The following SLC12A1 variants were observed in gnomAD, a reference collection of about 807,000 sequenced individuals.
SLC12A1 encodes solute carrier family 12 member 1.
In SLC12A1, 89 loss-of-function variants were observed where a neutral mutation model predicts 130.4. The ratio of observed to expected loss-of-function variants is 0.68; its 90% CI spans 0.58 to 0.81. The LOEUF is 0.81. SLC12A1 is among the 40% of genes least tolerant of loss of function. The pLI is 0.00. For missense variants in SLC12A1, 1,310 were observed against 1,336.4 expected (o/e 0.98, Z 0.31); for synonymous variants, 499 against 460.0 (o/e 1.08, Z -1.09).
chr15:48,212,605 A>G (rs1234743988), intron 2 of SLC12A1, among the ~76,000 whole-genome samples: 3 of 152,200 alleles, frequency 2.0e-5, no homozygotes, highest in Non-Finnish European at 2.9e-5. Flanking sequence ...ATTCCTTACT[A>G]CAGGACTAAC....
intron 16 of SLC12A1, among the ~76,000 whole-genome samples, chr15:48,258,100 G>A (rs993174384): frequency 5.7e-5 from 4 of 70,594 alleles, no homozygotes; most frequent in African/African-American, 2.7e-4. Flanking sequence ...GGTGGCTCAC[G>A]CCTGTAATCC....
chr15:48,274,708 C>A (rs1466362108), intron 20 of SLC12A1, 55 bp downstream of exon 20: 12 of 1,250,100 alleles, frequency 9.6e-6, no homozygotes, highest in African/African-American at 1.5e-5. Context: ...TACTTTGTGC[C>A]TGACATTGTT....
intron 4 of SLC12A1, chr15:48,224,433 G>C (rs182873749): frequency 2.6e-5 from 4 of 152,246 alleles, no homozygotes; most frequent in Admixed American, 2.6e-4. Flanking sequence ...TGACTTAAAG[G>C]GTTGCTTAGA....
intron 2 of SLC12A1, among the ~76,000 whole-genome samples, chr15:48,211,745 A>G (rs1408502233): frequency 6.6e-6 from 1 of 152,222 alleles, no homozygotes; most frequent in African/African-American, 2.4e-5. Context: ...TTTCCAAGTG[A>G]GAAAAAAGTT....
At chr15:48,296,761 G>GA (rs907753926) in intron 24 of SLC12A1, among the ~76,000 whole-genome samples, 2 of 152,048 alleles carry the variant, frequency 1.3e-5, no homozygotes, top group African/African-American at 4.8e-5. Flanking sequence ...TACTTATAAA[G>GA]AAAAAAATCA....
chr15:48,254,154 T>G (rs1443171323), intron 15 of SLC12A1, among the ~76,000 whole-genome samples: 1 of 152,086 alleles, frequency 6.6e-6, no homozygotes, highest in East Asian at 1.9e-4. Flanking sequence ...GTCTAATTTA[T>G]CTTTTTTTTT....
intron 4 of SLC12A1, 88 bp downstream of exon 4, chr15:48,221,084 G>C (rs2041207913): frequency 8.5e-7 from 1 of 1,183,166 alleles, no homozygotes; most frequent in African/African-American, 1.5e-5. Context: ...CTGAATGTGA[G>C]ATGAAGGTCA....
At chr15:48,272,331 C>T (rs1196753080) in intron 19 of SLC12A1, among the ~76,000 whole-genome samples, 3 of 152,118 alleles carry the variant, frequency 2.0e-5, no homozygotes, top group Non-Finnish European at 4.4e-5. Flanking sequence ...TAACACAGGG[C>T]TATTATTATA....
chr15:48,244,360 C>T (rs1445131262), intron 10 of SLC12A1, among the ~76,000 whole-genome samples: 1 of 152,168 alleles, frequency 6.6e-6, no homozygotes, highest in African/African-American at 2.4e-5. Context: ...TAATGCCACC[C>T]CTTGGCTCTC....
chr15:48,251,228 AC>A (rs1417451680), intron 14 of SLC12A1, among the ~76,000 whole-genome samples: 1 of 151,874 alleles, frequency 6.6e-6, no homozygotes, highest in Non-Finnish European at 1.5e-5. Flanking sequence ...TTCTCTGACA[AC>A]CAAGAAGTTT....
At chr15:48,264,592 A>G (rs1239059905) in intron 17 of SLC12A1, among the ~76,000 whole-genome samples, 1 of 152,214 alleles carries the variant, frequency 6.6e-6, no homozygotes, top group East Asian at 1.9e-4. Context: ...AAATATTGAA[A>G]GAATGAAATG....
At chr15:48,287,191 C>G (rs1597455429) in intron 21 of SLC12A1, among the ~76,000 whole-genome samples, 1 of 152,090 alleles carries the variant, frequency 6.6e-6, no homozygotes, top group Non-Finnish European at 1.5e-5. Context: ...GCAAATAAAC[C>G]CCTCTTGGCA....
rs371055981 is a variant in SLC12A1, at chr15:48,249,627, T to C, written c.1737T>C (p.Tyr579=). The part of the protein sequence containing the change: ...PIISNFFLAS[Y]ALINFSCFHA... ...TCTCCAACTTTTTCCTGGCCTCATA[T>C]GCACTTATTAATTTCTCCTGCTTCC... is the stretch of plus-strand genomic sequence containing the variant. The change falls in exon 14 of 27, where the codon TAT becomes TAC. Residue 579 remains tyrosine, a synonymous_variant. Transcript: ENST00000380993. 15 of 1,613,890 alleles carry C rather than the reference T, an allele frequency of 9.3e-6. No individual in the cohort carries two copies. The East Asian group carries it at 2.7e-4, about 29-fold the overall frequency.
Position 48,288,138 on chromosome 15 carries a change from G to C in SLC12A1, c.2725G>C (p.Gly909Arg). The C allele has an allele frequency of 1.2e-6, 2 of 1,610,078 alleles. No individual in the cohort carries two copies. Among genetic ancestry groups the C allele is most frequent in the South Asian group, 2.2e-5 (2 of 90,054 alleles). ...TCAATTTAAAAAGAAACAAGAAAAA[G>C]GCACAATTGATGTTTGGTGGTTGTT... ...STQFKKKQEKGTIDVWWLFDD... is the reference protein window; with the variant it reads ...STQFKKKQEKRTIDVWWLFDD... The change falls in exon 22 of 27, where the codon GGC becomes CGC. Residue 909 changes from glycine (G) to arginine (R), a missense_variant. Transcript: ENST00000380993.
intron 2 of SLC12A1, among the ~76,000 whole-genome samples, chr15:48,211,560 T>G (rs1351898445): frequency 2.0e-5 from 3 of 152,226 alleles, no homozygotes; most frequent in African/African-American, 7.2e-5. Flanking sequence ...TAATAGTGTT[T>G]ACTTAAATCA....
At chr15:48,279,101 T>C (rs2041985000) in intron 20 of SLC12A1, among the ~76,000 whole-genome samples, 1 of 152,210 alleles carries the variant, frequency 6.6e-6, no homozygotes, top group African/African-American at 2.4e-5. Context: ...GTTACACAAA[T>C]ACATGAAGAA....
intron 2 of SLC12A1, among the ~76,000 whole-genome samples, chr15:48,214,535 G>C (rs1027693835): frequency 6.6e-5 from 10 of 152,084 alleles, no homozygotes; most frequent in Non-Finnish European, 1.5e-4. Flanking sequence ...GTGATTTATA[G>C]GCATAATGTG....
chr15:48,220,134 GATAGATA>G (rs1567305413), intron 2 of SLC12A1, among the ~76,000 whole-genome samples: 14 of 110,754 alleles, frequency 1.3e-4, no homozygotes, highest in African/African-American at 8.5e-4. Flanking sequence ...AAAAAAGGTA[GATAGATA>G]GATAGATAGA....
At chr15:48,236,223 C>T (rs983518017) in intron 9 of SLC12A1, among the ~76,000 whole-genome samples, 1 of 151,964 alleles carries the variant, frequency 6.6e-6, no homozygotes, top group South Asian at 2.1e-4. Flanking sequence ...AAGAAATATA[C>T]ATACATGAAA....
Sources: gnomAD v4.1 joint callset for allele counts (sites outside exome capture counted in the v4.1 genomes callset) on GRCh38, gnomAD v4.1.1 for gene constraint, MANE v1.5 for transcripts, NCBI Gene and HGNC (gene_info 2026-07-23, HGNC 2026-07-21) for gene names.